CACNA1E: variants seen among roughly 807,000 people sequenced by gnomAD.
The protein encoded by CACNA1E is calcium voltage-gated channel subunit alpha1 E.
In CACNA1E, 40 loss-of-function variants were observed where a neutral mutation model predicts 259.2. The ratio of observed to expected loss-of-function variants is 0.15; its 90% confidence interval spans 0.12 to 0.20. The LOEUF (loss-of-function observed/expected upper bound fraction) is 0.20. Ranked by LOEUF, CACNA1E falls within the 10% of genes least tolerant of loss-of-function variation. The pLI, the probability that CACNA1E is intolerant of heterozygous loss-of-function variation, is 1.00. For synonymous variants in CACNA1E, 1,104 were observed against 1,138.5 expected, an observed-to-expected ratio of 0.97 and a Z score of 0.61; for missense variants, 1,874 against 3,040.1, an observed-to-expected ratio of 0.62 and a Z score of 9.02.
chr1:181,585,018 C>T (rs901319337), intron 6 of CACNA1E, among the ~76,000 whole-genome samples: 5 of 149,408 alleles, frequency 3.3e-5, no homozygotes, highest in Admixed American at 6.7e-5. Context: ...TGGTCCCCCC[C>T]CCTGCCTCAA....
intron 1 of CACNA1E, among the ~76,000 whole-genome samples, chr1:181,349,965 G>A (rs923925289): frequency 6.6e-6 from 1 of 152,132 alleles, no homozygotes; most frequent in African/African-American, 2.4e-5. Context: ...CTCAACTTCT[G>A]AGATATTCTG....
At chr1:181,756,781 C>T in intron 29 of CACNA1E, 144 bp from the exon 30 acceptor site, 1 of 628,614 alleles carries the variant, frequency 1.6e-6, no homozygotes, top group Non-Finnish European at 2.9e-6. Context: ...CAGGATATGA[C>T]AACTTGGGTT....
intron 21 of CACNA1E, among the ~76,000 whole-genome samples, chr1:181,735,148 C>T (rs1316293062): frequency 6.6e-6 from 1 of 152,244 alleles, no homozygotes; most frequent in Non-Finnish European, 1.5e-5. Flanking sequence ...AAAGTGCAAT[C>T]TCCCATGTCC....
At chr1:181,627,281 C>T (rs1558200594) in intron 6 of CACNA1E, among the ~76,000 whole-genome samples, 1 of 152,096 alleles carries the variant, frequency 6.6e-6, no homozygotes, top group African/African-American at 2.4e-5. Context: ...GAGCTGTTCA[C>T]AGAGCAAGAT....
In CACNA1E at chr1:181,466,275, G is replaced by T. The variant is rs1662148068; in HGVS notation, c.435-17469G>T. Among the ~76,000 whole-genome samples the T allele has an allele frequency of 2.0e-5, 3 of 152,286 alleles. No individual in the cohort carries two copies. In the South Asian group the frequency reaches 6.2e-4, roughly 32 times the overall value. ...CTTACCCATTAGGCTGGGCATGGTGGCTCATGCCTATAATCCCAGCACTTT... is the reference window on the plus strand; with the variant it reads ...CTTACCCATTAGGCTGGGCATGGTGTCTCATGCCTATAATCCCAGCACTTT... On this transcript the variant is annotated intron_variant, in intron 2 of 11. Coordinates refer to the CACNA1E transcript ENST00000524607.
intron 6 of CACNA1E, among the ~76,000 whole-genome samples, chr1:181,634,307 C>T (rs913496509): frequency 2.6e-4 from 40 of 152,146 alleles, no homozygotes; most frequent in Non-Finnish European, 4.9e-4. Context: ...CAAAAGGGTT[C>T]AAGGCTGCAC....
chr1:181,559,287 A>G (rs1474174915), intron 3 of CACNA1E, among the ~76,000 whole-genome samples: 1 of 152,224 alleles, frequency 6.6e-6, no homozygotes, highest in Non-Finnish European at 1.5e-5. Flanking sequence ...GAATATGTGC[A>G]GGCTGGAGGC....
At chr1:181,439,368 A>G (rs1660298040) in intron 2 of CACNA1E, among the ~76,000 whole-genome samples, 1 of 151,866 alleles carries the variant, frequency 6.6e-6, no homozygotes, top group Non-Finnish European at 1.5e-5. Flanking sequence ...CCTTTAAACC[A>G]AGTTTCATGC....
chr1:181,541,758 T>C (rs919948110), intron 3 of CACNA1E, among the ~76,000 whole-genome samples: 1 of 152,186 alleles, frequency 6.6e-6, no homozygotes, highest in Non-Finnish European at 1.5e-5. Flanking sequence ...TTTCTTCGTA[T>C]AATAGAGAAG....
chr1:181,752,274 C>T, intron 27 of CACNA1E, 35 bp downstream of exon 27: 1 of 1,398,984 alleles, frequency 7.1e-7, no homozygotes, highest in Non-Finnish European at 1.0e-6. Context: ...ATCAAATCCC[C>T]TTCTCCCATC....
chr1:181,501,185 C>T (rs139976667), intron 1 of CACNA1E, among the ~76,000 whole-genome samples: 248 of 152,308 alleles, frequency 1.6e-3, no homozygotes, highest in African/African-American at 5.7e-3. Context: ...TGAATGACAG[C>T]GTTTTGAGTC....
intron 2 of CACNA1E, among the ~76,000 whole-genome samples, chr1:181,463,236 AC>A (rs796908683): frequency 8.5e-5 from 13 of 152,308 alleles, no homozygotes; most frequent in African/African-American, 3.1e-4. Context: ...ATAAAATAGA[AC>A]AATTATGTGA....
chr1:181,426,703 A>C (rs1571845280), intron 2 of CACNA1E, among the ~76,000 whole-genome samples: 1 of 126,880 alleles, frequency 7.9e-6, no homozygotes. Context: ...ACCCCTTCCC[A>C]TCTCAACCCC....
chr1:181,676,956 A>G (rs939835426), intron 7 of CACNA1E, among the ~76,000 whole-genome samples: 1 of 152,210 alleles, frequency 6.6e-6, no homozygotes, highest in African/African-American at 2.4e-5. Context: ...GGCCTTTGTC[A>G]TCATCCTTTG....
chr1:181,551,636 G>A (rs1648170135), intron 3 of CACNA1E, among the ~76,000 whole-genome samples: 1 of 152,140 alleles, frequency 6.6e-6, no homozygotes, highest in African/African-American at 2.4e-5. Flanking sequence ...AAAAAGCTCT[G>A]TGCAGGGGAG....
intron 1 of CACNA1E, among the ~76,000 whole-genome samples, chr1:181,389,788 G>A (rs937341817): frequency 6.6e-6 from 1 of 152,208 alleles, no homozygotes; most frequent in Non-Finnish European, 1.5e-5. Flanking sequence ...TACTGGGGCT[G>A]CTGAGGAGAT....
chr1:181,519,981 G>A (rs573387776), intron 3 of CACNA1E, among the ~76,000 whole-genome samples: 3 of 152,226 alleles, frequency 2.0e-5, no homozygotes, highest in Non-Finnish European at 4.4e-5. Context: ...TTTATGAAGT[G>A]AAGGTAAAAC....
intron 7 of CACNA1E, among the ~76,000 whole-genome samples, chr1:181,660,597 C>T (rs1342295463): frequency 1.3e-5 from 2 of 152,204 alleles, no homozygotes; most frequent in African/African-American, 4.8e-5. Context: ...AACCTTGCAT[C>T]TCCTGTTGGG....
chr1:181,358,375 G>T (rs1037140940), intron 1 of CACNA1E, among the ~76,000 whole-genome samples: 3 of 152,110 alleles, frequency 2.0e-5, no homozygotes, highest in African/African-American at 4.8e-5. Flanking sequence ...ACTCAGTTTT[G>T]TTTTGCTGGA....
Sources: allele counts gnomAD v4.1 joint callset (sites outside exome capture counted in the v4.1 genomes callset), GRCh38; gene constraint gnomAD v4.1.1; transcripts MANE v1.5; gene names NCBI Gene and HGNC (gene_info 2026-07-23, HGNC 2026-07-21).